The following SPATA1 variants were observed in gnomAD, a reference collection of about 807,000 sequenced individuals.
The protein encoded by SPATA1 is spermatogenesis associated 1.
SPATA1 carries 57 observed loss-of-function variants against 59.6 expected under a neutral mutation model. That is an observed-to-expected ratio of 0.96 (90% CI 0.77 to 1.19). SPATA1 has a LOEUF of 1.19. SPATA1 is among the 50% of genes most tolerant of loss of function. SPATA1 has a pLI of 0.00. For synonymous variants in SPATA1, 147 were observed against 163.9 expected (o/e 0.90, Z 0.79); for missense variants, 448 against 480.7 (o/e 0.93, Z 0.64).
intron 1 of SPATA1, among the ~76,000 whole-genome samples, chr1:84,515,069 A>G (rs1214285839): frequency 6.6e-6 from 1 of 152,222 alleles, no homozygotes; most frequent in African/African-American, 2.4e-5. Flanking sequence ...CAGTGAATCA[A>G]TGAATGCCCA....
intron 4 of SPATA1, among the ~76,000 whole-genome samples, chr1:84,564,118 A>G (rs1486028010): frequency 6.6e-6 from 1 of 152,242 alleles, no homozygotes; most frequent in Non-Finnish European, 1.5e-5. Flanking sequence ...CATTTCAGGA[A>G]AGTATGCTAA....
chr1:84,548,906 T>C, exon 11 of SPATA1: 1 of 1,608,136 alleles, frequency 6.2e-7, no homozygotes, highest in Non-Finnish European at 8.5e-7. Context: ...CTCATGCAAC[T>C]TGAAGCCAGG....
chr1:84,532,921 G>A (rs758722793), exon 7 of SPATA1: 2 of 1,552,130 alleles, frequency 1.3e-6, no homozygotes, highest in South Asian at 2.4e-5. Context: ...GAAATTCTGA[G>A]TTGCCAGGAT....
At chr1:84,526,704 G>A (rs1212607476) in intron 6 of SPATA1, among the ~76,000 whole-genome samples, 1 of 151,186 alleles carries the variant, frequency 6.6e-6, no homozygotes, top group Non-Finnish European at 1.5e-5. Flanking sequence ...CTGTCTCTAC[G>A]AAAAAACACA....
rs568446553 is a variant in SPATA1, at chr1:84,509,756, A to T, written c.-138+3338A>T. Among the ~76,000 whole-genome samples, 4 of 152,292 alleles carry T rather than the reference A, an allele frequency of 2.6e-5. No homozygotes were observed. In the South Asian group the frequency reaches 6.2e-4, roughly 24 times the overall value. On this transcript the variant is annotated intron_variant, in intron 1 of 12. Transcript: ENST00000490879. ...ACTCCAGCCGGGGTGACAGAGTGAG[A>T]CCCATCTCTCAAAAAAAGAAAAGAA... is the stretch of plus-strand genomic sequence containing the variant.
chr1:84,559,557 G>A (rs932029405), intron 4 of SPATA1, among the ~76,000 whole-genome samples: 1 of 152,144 alleles, frequency 6.6e-6, no homozygotes, highest in Admixed American at 6.5e-5. Flanking sequence ...AGGAGGCAGA[G>A]GTTGCAGTGA....
At chr1:84,542,552 G>A (rs1683946217) in intron 8 of SPATA1, among the ~76,000 whole-genome samples, 2 of 151,950 alleles carry the variant, frequency 1.3e-5, no homozygotes, top group South Asian at 4.2e-4. Flanking sequence ...TCTCTTTCCA[G>A]GCTAACTCGT....
intron 6 of SPATA1, among the ~76,000 whole-genome samples, chr1:84,527,852 C>A (rs1007162545): frequency 6.6e-6 from 1 of 152,086 alleles, no homozygotes; most frequent in Non-Finnish European, 1.5e-5. Flanking sequence ...GCCTCAGCCT[C>A]CCTAAGTACC....
At chr1:84,516,184 T>C (rs1570391588) in intron 1 of SPATA1, 39 bp from the exon 2 acceptor site, 1 of 527,502 alleles carries the variant, frequency 1.9e-6, no homozygotes, top group Non-Finnish European at 3.3e-6. Flanking sequence ...GTTTATTTAA[T>C]GCTTTTGTGT....
At chr1:84,550,656 T>C in intron 12 of SPATA1, 126 bp downstream of exon 12, 1 of 1,263,896 alleles carries the variant, frequency 7.9e-7, no homozygotes, top group South Asian at 3.1e-5. Flanking sequence ...AATTGTTACC[T>C]TAACAGTAAA....
chr1:84,548,470 A>G lies in SPATA1; in HGVS notation c.947-316A>G, dbSNP rs1684162883. Among the ~76,000 whole-genome samples the G allele has an allele frequency of 4.7e-5, 7 of 148,328 alleles. No homozygotes were observed. The South Asian group carries it at 1.5e-3, about 31-fold the overall frequency. ...ATAGATTACTATATATAACAAGTAT[A>G]TATATTGCTTTTATAATATATATTA... On this transcript the variant is annotated intron_variant, in intron 10 of 12. Coordinates refer to ENST00000490879, the Ensembl canonical transcript of SPATA1.
intron 1 of SPATA1, among the ~76,000 whole-genome samples, chr1:84,511,655 C>CTTT (rs771793030): frequency 7.4e-5 from 6 of 81,118 alleles, no homozygotes; most frequent in Non-Finnish European, 1.1e-4. Flanking sequence ...GCATTTCAGG[C>CTTT]TTTTTTTTTT....
intron 4 of SPATA1, chr1:84,563,855 G>C (rs769143395): frequency 6.3e-7 from 1 of 1,592,052 alleles, no homozygotes; most frequent in Non-Finnish European, 8.5e-7. Flanking sequence ...GAGAGAAAAA[G>C]CATATTTGTT....
exon 13 of SPATA1, chr1:84,554,306 A>G (rs1339037901): frequency 1.3e-5 from 2 of 152,202 alleles, no homozygotes; most frequent in Non-Finnish European, 2.9e-5. Context: ...GAGCCTCATA[A>G]AAATAATGTA....
At chr1:84,535,905 C>T (rs910240588) in intron 8 of SPATA1, among the ~76,000 whole-genome samples, 6 of 152,090 alleles carry the variant, frequency 3.9e-5, no homozygotes, top group African/African-American at 1.4e-4. Context: ...TGGTGATGGC[C>T]TCAACAATGG....
At chr1:84,560,852 T>G (rs1419051052) in intron 4 of SPATA1, among the ~76,000 whole-genome samples, 3 of 152,192 alleles carry the variant, frequency 2.0e-5, no homozygotes, top group Admixed American at 1.3e-4. Flanking sequence ...CTGAATATCT[T>G]AAGCCCACTG....
chr1:84,555,263 G>A, downstream of SPATA1: 1 of 1,300,596 alleles, frequency 7.7e-7, no homozygotes. Context: ...CACAGGAAAG[G>A]GAAAAATAAA....
chr1:84,563,583 T>C, intron 4 of SPATA1: 1 of 640,028 alleles, frequency 1.6e-6, no homozygotes, highest in Non-Finnish European at 2.4e-6. Flanking sequence ...AAATGTATGA[T>C]AATCATAAGC....
At position 84,525,990 on chromosome 1, in the gene SPATA1, CTT is replaced by C; in HGVS notation, c.463_464del (p.Leu155ValfsTer21). The C allele has an allele frequency of 6.2e-7, 1 of 1,613,560 alleles. No individual in the cohort carries two copies. The highest frequency in any genetic ancestry group is 2.2e-5 in the East Asian group (1 of 44,786). The stretch of plus-strand genomic sequence containing the variant: ...ACAATCCACAGACCAATTAGTGTAA[CTT>C]TGTTCAAGGAGGAACTTGGAAGAGA... On this transcript the variant is annotated frameshift_variant, in exon 6 of 13. Coordinates refer to ENST00000490879, the Ensembl canonical transcript of SPATA1. LOFTEE classifies it high-confidence loss of function.
Sources: gnomAD v4.1 joint callset for allele counts (sites outside exome capture counted in the v4.1 genomes callset) on GRCh38, gnomAD v4.1.1 for gene constraint, MANE v1.5 for transcripts, NCBI Gene and HGNC (gene_info 2026-07-23, HGNC 2026-07-21) for gene names.